Variants in CEPT1 observed in about 807,000 individuals in gnomAD.
The protein encoded by CEPT1 is choline/ethanolaminephosphotransferase 1.
A neutral mutation model predicts 42.6 loss-of-function variants in CEPT1; 7 were observed. The ratio of observed to expected loss-of-function variants is 0.16; its 90% CI spans 0.09 to 0.31. CEPT1 has a LOEUF of 0.31. Among genes scored for constraint, CEPT1 ranks in the 10% least tolerant of loss-of-function variants. CEPT1 has a pLI of 1.00. For missense variants in CEPT1, 306 were observed against 502.1 expected, an observed-to-expected ratio of 0.61 and a Z score of 3.73; for synonymous variants, 171 against 171.9, an observed-to-expected ratio of 0.99 and a Z score of 0.04.
intron 1 of CEPT1, among the ~76,000 whole-genome samples, chr1:111,141,034 C>T (rs1654498269): frequency 6.6e-6 from 1 of 152,154 alleles, no homozygotes; most frequent in South Asian, 2.1e-4. Flanking sequence ...CATTTTGCAT[C>T]ATTAGTATTG....
intron 2 of CEPT1, among the ~76,000 whole-genome samples, chr1:111,157,405 A>C (rs76904225): frequency 0.015 from 2,317 of 152,358 alleles, 24 homozygotes; most frequent in Non-Finnish European, 0.026. Flanking sequence ...TATAGTAGCC[A>C]TAGCTACATA....
At position 111,183,441 on chromosome 1, in the gene CEPT1, G is replaced by T. The variant is rs373491351; in HGVS notation, c.1006-21G>T. The T allele has an allele frequency of 3.1e-6, 5 of 1,611,268 alleles. No individual in the cohort carries two copies. The East Asian group carries it at 6.7e-5, about 22-fold the overall frequency. ...ATTGTCCTCTTATGAAAATGCCTACGTTATTCTGTTTTATTCATAGGTTGC... is the reference window on the plus strand; with the variant it reads ...ATTGTCCTCTTATGAAAATGCCTACTTTATTCTGTTTTATTCATAGGTTGC... On this transcript the variant is annotated intron_variant, in intron 7 of 8. Transcript: ENST00000357172.
intron 5 of CEPT1, chr1:111,178,602 T>C (rs1222681657): frequency 6.6e-6 from 1 of 152,148 alleles, no homozygotes. Flanking sequence ...CTTGGAACTA[T>C]GTTCTATCAT....
intron 8 of CEPT1, among the ~76,000 whole-genome samples, chr1:111,183,843 A>G (rs1657118462): frequency 6.6e-6 from 1 of 152,184 alleles, no homozygotes; most frequent in Non-Finnish European, 1.5e-5. Flanking sequence ...GTAGAAAAGC[A>G]TGAATCAGCA....
intron 5 of CEPT1, chr1:111,180,703 G>A (rs1252229270): frequency 6.6e-6 from 1 of 152,190 alleles, no homozygotes; most frequent in African/African-American, 2.4e-5. Flanking sequence ...TCTCAACAAA[G>A]TGAGTTCTTG....
intron 5 of CEPT1, among the ~76,000 whole-genome samples, chr1:111,177,986 C>T (rs1426927448): frequency 1.3e-5 from 2 of 152,246 alleles, no homozygotes; most frequent in Non-Finnish European, 1.5e-5. Flanking sequence ...TTAACAACTC[C>T]CAATACGGAT....
intron 5 of CEPT1, 58 bp downstream of exon 5, chr1:111,175,021 T>C (rs1326406094): frequency 1.9e-6 from 2 of 1,039,604 alleles, no homozygotes; most frequent in Admixed American, 3.4e-5. Context: ...GCTTGTGTTT[T>C]CTAATATGGG....
At chr1:111,145,505 G>T (rs760913425) in intron 1 of CEPT1, among the ~76,000 whole-genome samples, 1 of 152,180 alleles carries the variant, frequency 6.6e-6, no homozygotes, top group Non-Finnish European at 1.5e-5. Context: ...TTTGGAATTT[G>T]ATATTTATAG....
chr1:111,176,036 G>A (rs1239789236), intron 5 of CEPT1, among the ~76,000 whole-genome samples: 3 of 152,174 alleles, frequency 2.0e-5, no homozygotes, highest in Non-Finnish European at 4.4e-5. Flanking sequence ...TTGAGGAAGT[G>A]TAATTGATAC....
intron 1 of CEPT1, among the ~76,000 whole-genome samples, chr1:111,143,149 A>G (rs1458913954): frequency 6.6e-6 from 1 of 152,210 alleles, no homozygotes; most frequent in Non-Finnish European, 1.5e-5. Flanking sequence ...CTCTGCGTTA[A>G]TTCTCCAAAC....
chr1:111,184,327 T>C lies in CEPT1; in HGVS notation c.*17T>C, dbSNP rs1557945228. 1 of 1,594,856 alleles carries C rather than the reference T, an allele frequency of 6.3e-7. No homozygotes were observed. The highest frequency in any genetic ancestry group is 8.6e-7 in the Non-Finnish European group (1 of 1,168,362). On this transcript the variant is annotated 3_prime_UTR_variant, in exon 9 of 9. Coordinates refer to ENST00000357172, the MANE Select transcript of CEPT1 (RefSeq NM_006090.5). ...CATCATTAATGATGTAATTGGTATATAGGAACATCATGTTTTCTGCAGGAA... is the reference window on the plus strand; with the variant it reads ...CATCATTAATGATGTAATTGGTATACAGGAACATCATGTTTTCTGCAGGAA...
chr1:111,177,661 A>C lies in CEPT1; in HGVS notation c.714+2698A>C, dbSNP rs540925159. 5.9e-5 allele frequency among the ~76,000 whole-genome samples: 9 copies of C among 152,296 alleles called. No homozygotes were observed. In the South Asian group the frequency reaches 1.9e-3, roughly 32 times the overall value. On this transcript the variant is annotated intron_variant, in intron 5 of 8. Coordinates refer to ENST00000357172, the MANE Select transcript of CEPT1 (RefSeq NM_006090.5). ...TCTACACATGTACATAGTAGATATA[A>C]TTTTTTCTTTTATAAAGATCAAATG...
intron 2 of CEPT1, among the ~76,000 whole-genome samples, chr1:111,150,135 TTAGCTACGAGG>T (rs1031968933): frequency 3.3e-5 from 5 of 152,204 alleles, no homozygotes; most frequent in African/African-American, 1.2e-4. Flanking sequence ...GGATGCATTT[TTAGCTACGAGG>T]TAGCTATCCT....
At chr1:111,176,724 T>G (rs1030436797) in intron 5 of CEPT1, among the ~76,000 whole-genome samples, 4 of 152,202 alleles carry the variant, frequency 2.6e-5, no homozygotes, top group Non-Finnish European at 5.9e-5. Flanking sequence ...ATACACCTTA[T>G]ACACATTGCC....
At chr1:111,174,834 T>G (rs779128749) in intron 4 of CEPT1, 45 bp from the exon 5 acceptor site, 1 of 1,166,176 alleles carries the variant, frequency 8.6e-7, no homozygotes. Flanking sequence ...TAACTTGAAA[T>G]TGTTGTGACT....
intron 4 of CEPT1, among the ~76,000 whole-genome samples, chr1:111,173,655 T>C (rs1398953751): frequency 1.3e-5 from 2 of 152,190 alleles, no homozygotes; most frequent in African/African-American, 4.8e-5. Flanking sequence ...TCATTCTTAT[T>C]TCCCAGCTCC....
chr1:111,181,309 A>G (rs573772854), intron 5 of CEPT1: 1 of 152,210 alleles, frequency 6.6e-6, no homozygotes, highest in South Asian at 2.1e-4. Context: ...TTCAATCCAT[A>G]TTGGACAAAA....
At chr1:111,153,420 A>T (rs910046477) in intron 2 of CEPT1, among the ~76,000 whole-genome samples, 1 of 152,076 alleles carries the variant, frequency 6.6e-6, no homozygotes, top group African/African-American at 2.4e-5. Flanking sequence ...CTGACCTCAG[A>T]TAATCCACCT....
chr1:111,152,241 TG>T (rs1355040540), intron 2 of CEPT1, among the ~76,000 whole-genome samples: 1 of 152,214 alleles, frequency 6.6e-6, no homozygotes, highest in African/African-American at 2.4e-5. Flanking sequence ...GATTTTTTTT[TG>T]GCATAGAAAA....
Sources: gnomAD v4.1 joint callset for allele counts (sites outside exome capture counted in the v4.1 genomes callset) on GRCh38, gnomAD v4.1.1 for gene constraint, MANE v1.5 for transcripts, NCBI Gene and HGNC (gene_info 2026-07-23, HGNC 2026-07-21) for gene names.